LARGE1: variants seen among roughly 807,000 people sequenced by gnomAD.
LARGE1 encodes xylosyl- and glucuronyltransferase LARGE1.
In LARGE1, 43 loss-of-function variants were observed where a neutral mutation model predicts 87.6. The observed-to-expected ratio is 0.49, with a 90% CI of 0.38 to 0.63. The LOEUF (loss-of-function observed/expected upper bound fraction) is 0.63, where lower values mean the gene tolerates loss of function less well. Ranked by LOEUF, LARGE1 falls within the 30% of genes least tolerant of loss-of-function variation. The probability of loss-of-function intolerance (pLI) is 0.00; values close to 1 mark genes in which losing one functional copy is unlikely to be tolerated. For synonymous variants in LARGE1, 434 were observed against 394.6 expected (o/e 1.10, Z -1.18); for missense variants, 802 against 1,000.2 (o/e 0.80, Z 2.67).
chr22:33,665,257 G>A (rs778944566), intron 2 of LARGE1, among the ~76,000 whole-genome samples: 1 of 152,178 alleles, frequency 6.6e-6, no homozygotes, highest in Non-Finnish European at 1.5e-5. Context: ...CTCTCCTCAA[G>A]TATAAACGTA....
chr22:33,487,964 T>A (rs2069660303), intron 6 of LARGE1, among the ~76,000 whole-genome samples: 2 of 152,154 alleles, frequency 1.3e-5, no homozygotes, highest in African/African-American at 4.8e-5. Context: ...TCAACCACAA[T>A]CTTATTTAAT....
At chr22:33,779,674 T>C (rs2145882347) in intron 1 of LARGE1, among the ~76,000 whole-genome samples, 2 of 151,932 alleles carry the variant, frequency 1.3e-5, no homozygotes, top group Middle Eastern at 6.8e-3. Flanking sequence ...TAATCCCAGT[T>C]ACTTGGGAGG....
At chr22:33,348,282 C>A (rs1241738076) in intron 9 of LARGE1, among the ~76,000 whole-genome samples, 2 of 51,566 alleles carry the variant, frequency 3.9e-5, no homozygotes, top group Non-Finnish European at 7.5e-5. Context: ...CCCCACCCAC[C>A]CCCCCCCAAA....
At chr22:33,091,562 A>ATAAATAAATAAG in the LARGE1 span, among the ~76,000 whole-genome samples, 6 of 135,662 alleles carry the variant, frequency 4.4e-5, no homozygotes, top group African/African-American at 1.7e-4. Flanking sequence ...TCCATCTCAA[A>ATAAATAAATAAG]TAAATAAATA....
At chr22:33,688,851 TCTGATTGGTAGGGCACG>T (rs1211072090) in intron 2 of LARGE1, among the ~76,000 whole-genome samples, 1 of 152,018 alleles carries the variant, frequency 6.6e-6, no homozygotes, top group Non-Finnish European at 1.5e-5. Flanking sequence ...TTCTTCCACT[TCTGATTGGTAGGGCACG>T]CTGATTGGTC....
chr22:33,179,845 G>T (rs1467407286), intron 11 of LARGE1, among the ~76,000 whole-genome samples: 1 of 151,590 alleles, frequency 6.6e-6, no homozygotes, highest in Non-Finnish European at 1.5e-5. Flanking sequence ...CGGTTTGAAT[G>T]ATGGTGTCTG....
chr22:33,223,802 T>G (rs1209130492), intron 11 of LARGE1, among the ~76,000 whole-genome samples: 1 of 152,186 alleles, frequency 6.6e-6, no homozygotes, highest in Non-Finnish European at 1.5e-5. Context: ...TATCTTACTT[T>G]AGGTCTGGTA....
chr22:33,674,686 C>T (rs1008219859), intron 2 of LARGE1, among the ~76,000 whole-genome samples: 5 of 152,142 alleles, frequency 3.3e-5, no homozygotes, highest in South Asian at 2.1e-4. Flanking sequence ...TCTCTGTCTA[C>T]ACACTCCCAT....
At position 33,201,603 on chromosome 22, in the gene LARGE1, T is replaced by C. The variant is rs552070704; in HGVS notation, c.1731-34771A>G. On this transcript the variant is annotated intron_variant, in intron 11 of 11. Transcript: ENST00000608642. ...GGTATGGGAGACGGTCTGGTCATCA[T>C]CTGGGAGAGGTACTCCAGAAAAAGC... Among the ~76,000 whole-genome samples, 4 of 152,266 alleles carry C rather than the reference T, an allele frequency of 2.6e-5. No individual in the cohort carries two copies. The East Asian group carries it at 7.7e-4, about 29-fold the overall frequency.
intron 11 of LARGE1, among the ~76,000 whole-genome samples, chr22:33,220,030 T>C (rs1446196804): frequency 6.6e-6 from 1 of 152,242 alleles, no homozygotes; most frequent in Admixed American, 6.5e-5. Context: ...ATTTTTGTTG[T>C]AGCATTCTAC....
At chr22:33,918,738 G>A (rs2065857557) in intron 1 of LARGE1, among the ~76,000 whole-genome samples, 1 of 152,270 alleles carries the variant, frequency 6.6e-6, no homozygotes, top group Admixed American at 6.5e-5. Flanking sequence ...TGGGAAGACA[G>A]GAGAAGTGAG....
the LARGE1 span, among the ~76,000 whole-genome samples, chr22:33,141,191 C>G: frequency 1.4e-4 from 18 of 129,964 alleles, no homozygotes; most frequent in African/African-American, 4.7e-4. Flanking sequence ...CTCTCTCTCT[C>G]TCTCACACAC....
chr22:33,518,312 G>A (rs1350709372), intron 6 of LARGE1, among the ~76,000 whole-genome samples: 1 of 152,176 alleles, frequency 6.6e-6, no homozygotes, highest in Non-Finnish European at 1.5e-5. Flanking sequence ...GCCAGCAAAT[G>A]GCAGACACAG....
intron 2 of LARGE1, among the ~76,000 whole-genome samples, chr22:33,716,018 T>C (rs1024654420): frequency 2.0e-5 from 3 of 152,212 alleles, no homozygotes; most frequent in Non-Finnish European, 2.9e-5. Flanking sequence ...CCCAATACAT[T>C]GTCCCAGTTC....
At chr22:33,801,038 C>T (rs1340153322) in intron 1 of LARGE1, among the ~76,000 whole-genome samples, 1 of 152,078 alleles carries the variant, frequency 6.6e-6, no homozygotes, top group Admixed American at 6.6e-5. Flanking sequence ...GCCAGTCTTT[C>T]CCATGCTATT....
At chr22:33,171,221 C>A (rs989129556) in intron 11 of LARGE1, among the ~76,000 whole-genome samples, 1 of 152,098 alleles carries the variant, frequency 6.6e-6, no homozygotes, top group African/African-American at 2.4e-5. Context: ...AGCATTCAGT[C>A]ATATGGGTTC....
intron 11 of LARGE1, among the ~76,000 whole-genome samples, chr22:33,203,151 G>GAGAC (rs10609997): frequency 1.3e-5 from 2 of 151,198 alleles, no homozygotes; most frequent in South Asian, 2.1e-4. Context: ...GAGAAAGAGA[G>GAGAC]AGACAGACAG....
chr22:33,387,426 C>CAAA lies in LARGE1; in HGVS notation c.893-3125_893-3123dup, dbSNP rs758366490. On this transcript the variant is annotated intron_variant, in intron 7 of 14. Transcript: ENST00000397394. ...GGGGTAACAGAGTGAGACTCTGTCT[C>CAAA]AAAAAAAAAAAAAAAAAAAAGAAAG... Among the ~76,000 whole-genome samples, 375 of 67,354 alleles carry CAAA rather than the reference C, an allele frequency of 5.6e-3. 7 individuals carry two copies. Among genetic ancestry groups the CAAA allele is most frequent in the African/African-American group, 0.015 (286 of 18,462 alleles). 44.2% of individuals were successfully genotyped at this position (67,354 alleles called of 152,430 possible).
chr22:33,269,029 TAACAA>T (rs1043510365), downstream of LARGE1, among the ~76,000 whole-genome samples: 2 of 152,130 alleles, frequency 1.3e-5, no homozygotes, highest in African/African-American at 4.8e-5. Flanking sequence ...AACACTGAAC[TAACAA>T]AACAACTTCT....
Sources: gnomAD v4.1 joint callset for allele counts (sites outside exome capture counted in the v4.1 genomes callset) on GRCh38, gnomAD v4.1.1 for gene constraint, MANE v1.5 for transcripts, NCBI Gene and HGNC (gene_info 2026-07-23, HGNC 2026-07-21) for gene names.